Variants in KHDRBS2 observed in about 807,000 individuals in gnomAD.
KHDRBS2 encodes the protein KH domain-containing, RNA-binding, signal transduction-associated protein 2.
KHDRBS2 carries 26 observed loss-of-function variants against 44.3 expected under a neutral mutation model. That is an observed-to-expected ratio of 0.59 (90% CI 0.43 to 0.81). KHDRBS2 has a LOEUF of 0.81. Among genes scored for constraint, KHDRBS2 ranks in the 40% least tolerant of loss-of-function variants. The pLI is 0.00. For synonymous variants in KHDRBS2, 194 were observed against 151.1 expected, an observed-to-expected ratio of 1.28 and a Z score of -2.08; for missense variants, 476 against 433.1, an observed-to-expected ratio of 1.10 and a Z score of -0.88.
intron 6 of KHDRBS2, among the ~76,000 whole-genome samples, chr6:61,807,766 T>A (rs1787399576): frequency 6.6e-6 from 1 of 152,048 alleles, no homozygotes; most frequent in Non-Finnish European, 1.5e-5. Flanking sequence ...CACTAAACCC[T>A]CATGGCACAC....
At chr6:61,915,746 A>G in intron 4 of KHDRBS2, among the ~76,000 whole-genome samples, 1 of 152,094 alleles carries the variant, frequency 6.6e-6, no homozygotes, top group Non-Finnish European at 1.5e-5. Context: ...TGTTACAAAA[A>G]GAGTTTTATG....
chr6:61,787,701 A>G (rs577580460), intron 6 of KHDRBS2, among the ~76,000 whole-genome samples: 3 of 151,688 alleles, frequency 2.0e-5, no homozygotes, highest in African/African-American at 7.2e-5. Context: ...TTCCAGCCCA[A>G]TGACAATTTG....
At chr6:61,744,141 T>C (rs1166882803) in intron 6 of KHDRBS2, among the ~76,000 whole-genome samples, 2 of 152,124 alleles carry the variant, frequency 1.3e-5, no homozygotes, top group African/African-American at 2.4e-5. Flanking sequence ...GATTTTAATA[T>C]ACTTTAAGTT....
At chr6:62,115,047 C>T (rs138297135) in intron 2 of KHDRBS2, among the ~76,000 whole-genome samples, 98 of 152,074 alleles carry the variant, frequency 6.4e-4, no homozygotes, top group African/African-American at 2.2e-3. Context: ...AACCTATTTG[C>T]GATCATTCGT....
At chr6:62,184,002 C>T (rs1366002486) in intron 1 of KHDRBS2, among the ~76,000 whole-genome samples, 1 of 151,634 alleles carries the variant, frequency 6.6e-6, no homozygotes, top group Non-Finnish European at 1.5e-5. Context: ...TTTTTCCACT[C>T]TGAAATTATG....
At chr6:61,615,233 C>CAAAAAAAAAAAAAAAAAAAAAAAAAAAAA in the KHDRBS2 span, among the ~76,000 whole-genome samples, 17 of 58,568 alleles carry the variant, frequency 2.9e-4, no homozygotes, top group Admixed American at 7.9e-4. Context: ...ACTCCATCTC[C>CAAAAAAAAAAAAAAAAAAAAAAAAAAAAA]AAAAAAAAAA....
At chr6:61,703,807 A>G (rs1048131315) in intron 7 of KHDRBS2, among the ~76,000 whole-genome samples, 1 of 151,916 alleles carries the variant, frequency 6.6e-6, no homozygotes, top group Non-Finnish European at 1.5e-5. Flanking sequence ...GATAGATTGA[A>G]GGAATGGGAA....
the KHDRBS2 span, among the ~76,000 whole-genome samples, chr6:61,590,596 G>A: frequency 1.1e-4 from 16 of 152,082 alleles, no homozygotes; most frequent in Admixed American, 2.6e-4. Flanking sequence ...TCTCACAGTA[G>A]GACTTCTCTT....
intron 4 of KHDRBS2, among the ~76,000 whole-genome samples, chr6:61,949,630 A>G (rs2127382571): frequency 6.6e-6 from 1 of 152,246 alleles, no homozygotes; most frequent in East Asian, 1.9e-4. Flanking sequence ...ATGACATACT[A>G]GAAATTTTAT....
chr6:61,941,221 T>C (rs1196986837), intron 4 of KHDRBS2, among the ~76,000 whole-genome samples: 3 of 152,156 alleles, frequency 2.0e-5, no homozygotes, highest in Non-Finnish European at 4.4e-5. Flanking sequence ...ATACACACCA[T>C]AGCTGGCACC....
At chr6:61,772,481 A>G (rs1781107360) in intron 6 of KHDRBS2, among the ~76,000 whole-genome samples, 1 of 152,202 alleles carries the variant, frequency 6.6e-6, no homozygotes, top group African/African-American at 2.4e-5. Flanking sequence ...CAAAGGGGAT[A>G]TCACCACCGA....
At chr6:62,083,564 G>C (rs1797830418) in intron 2 of KHDRBS2, among the ~76,000 whole-genome samples, 1 of 152,080 alleles carries the variant, frequency 6.6e-6, no homozygotes, top group Non-Finnish European at 1.5e-5. Context: ...CTGGGGTCCA[G>C]GGGTTTTAGG....
At chr6:61,582,925 A>G in the KHDRBS2 span, among the ~76,000 whole-genome samples, 1 of 151,816 alleles carries the variant, frequency 6.6e-6, no homozygotes. Context: ...GACAAAATTA[A>G]TTACTTTCTT....
At chr6:61,545,501 C>CTCTGTGTGTGTG in the KHDRBS2 span, among the ~76,000 whole-genome samples, 2 of 148,444 alleles carry the variant, frequency 1.3e-5, no homozygotes, top group African/African-American at 5.0e-5. Context: ...TAGCTAATCT[C>CTCTGTGTGTGTG]TGTGTGTGTG....
intron 6 of KHDRBS2, among the ~76,000 whole-genome samples, chr6:61,810,482 G>A (rs1375160714): frequency 6.6e-6 from 1 of 151,920 alleles, no homozygotes; most frequent in African/African-American, 2.4e-5. Flanking sequence ...CAGCCATCAG[G>A]TCACAACATA....
rs371595813 is a variant in KHDRBS2, at chr6:61,945,150, T to TATATAC, written c.483+32915_483+32916insGTATAT. Among the ~76,000 whole-genome samples, 487 of 86,954 alleles carry TATATAC rather than the reference T, an allele frequency of 5.6e-3. 10 individuals carry two copies. Among genetic ancestry groups the TATATAC allele is most frequent in the South Asian group, 0.012 (29 of 2,460 alleles). 57.0% of individuals were successfully genotyped at this position (86,954 alleles called of 152,430 possible). A position where few individuals can be genotyped will look rare whatever the true frequency, so the allele number is the denominator to read the frequency against. On this transcript the variant is annotated intron_variant, in intron 4 of 8. Coordinates refer to ENST00000281156, the MANE Select transcript of KHDRBS2 (RefSeq NM_152688.4). The stretch of plus-strand genomic sequence containing the variant: ...ATATATATATATATATATATATATA[T>TATATAC]ACACACAGACTTGTCTTGATAAAGT...
intron 1 of KHDRBS2, among the ~76,000 whole-genome samples, chr6:62,271,068 C>T (rs552744690): frequency 6.6e-6 from 1 of 152,056 alleles, no homozygotes. Flanking sequence ...CATATACACA[C>T]ACAAATTATA....
chr6:62,156,856 T>G (rs1162730478), intron 2 of KHDRBS2, among the ~76,000 whole-genome samples: 3 of 122,968 alleles, frequency 2.4e-5, no homozygotes, highest in East Asian at 2.3e-4. Context: ...TTTTTTTTTT[T>G]TTGTATTTTT....
the KHDRBS2 span, among the ~76,000 whole-genome samples, chr6:61,639,349 T>C: frequency 6.6e-6 from 1 of 152,130 alleles, no homozygotes; most frequent in African/African-American, 2.4e-5. Flanking sequence ...ATTTTACTTA[T>C]AATTTCTTGA....
Sources: allele counts gnomAD v4.1 joint callset (sites outside exome capture counted in the v4.1 genomes callset), GRCh38; gene constraint gnomAD v4.1.1; transcripts MANE v1.5; gene names NCBI Gene and HGNC (gene_info 2026-07-23, HGNC 2026-07-21).